Variants in GBP7 observed in about 807,000 individuals in gnomAD.
GBP7 encodes guanylate-binding protein 7.
Under a neutral mutation model 61.3 loss-of-function variants are expected in GBP7, and 43 were observed. The ratio of observed to expected loss-of-function variants is 0.70; its 90% CI spans 0.55 to 0.91. GBP7 has a LOEUF of 0.91. Among genes scored for constraint, GBP7 ranks in the 40% least tolerant of loss-of-function variants. The pLI is 0.00. For synonymous variants in GBP7, 267 were observed against 271.0 expected (o/e 0.99, Z 0.14); for missense variants, 717 against 740.5 (o/e 0.97, Z 0.37).
chr1:89,174,831 A>G (rs532580253), intron 1 of GBP7, among the ~76,000 whole-genome samples: 15 of 152,320 alleles, frequency 9.8e-5, no homozygotes, highest in African/African-American at 3.6e-4. Flanking sequence ...ACCTCCATGT[A>G]TATCAGTCTG....
intron 9 of GBP7, among the ~76,000 whole-genome samples, chr1:89,135,428 AAT>A (rs1681777376): frequency 6.6e-6 from 1 of 152,130 alleles, no homozygotes; most frequent in African/African-American, 2.4e-5. Flanking sequence ...CAAAAGAAAA[AAT>A]ATTAAAGGCA....
At chr1:89,164,021 C>G (rs989605316) in intron 3 of GBP7, among the ~76,000 whole-genome samples, 5 of 152,086 alleles carry the variant, frequency 3.3e-5, no homozygotes, top group African/African-American at 1.2e-4. Context: ...AGGTGCCCGC[C>G]TCTGCGCTGG....
chr1:89,157,901 A>C (rs533231102), intron 3 of GBP7, among the ~76,000 whole-genome samples: 1 of 152,328 alleles, frequency 6.6e-6, no homozygotes, highest in East Asian at 1.9e-4. Context: ...CAGAGACACA[A>C]CAGCAAAAAA....
rs1426605979 is a variant in GBP7, at chr1:89,171,939, C to T, written c.-4G>A. On this transcript the variant is annotated 5_prime_UTR_variant, in exon 2 of 11. Transcript: ENST00000294671. ...GCATGTGGATCTCTGATGCCATGTT[C>T]AGGGCGTTCCTCTGTCTGCAAGGAA... 6.2e-7 allele frequency: 1 copy of T among 1,608,036 alleles called. No homozygotes were observed. The highest frequency in any genetic ancestry group is 1.1e-5 in the South Asian group (1 of 90,658).
At chr1:89,148,251 A>G (rs1482759874) in intron 7 of GBP7, among the ~76,000 whole-genome samples, 1 of 152,246 alleles carries the variant, frequency 6.6e-6, no homozygotes, top group East Asian at 1.9e-4. Context: ...CTTCTAAGCT[A>G]TGATTGCATC....
At position 89,152,417 on chromosome 1, in the gene GBP7, C is replaced by G. The variant is rs760265520; in HGVS notation, c.476G>C (p.Arg159Thr). The G allele has an allele frequency of 6.2e-7, 1 of 1,614,178 alleles. No homozygotes were observed. The highest frequency in any genetic ancestry group is 2.2e-5 in the East Asian group (1 of 44,872). The change falls in exon 5 of 11, where the codon AGA becomes ACA. Residue 159 changes from arginine to threonine, a missense_variant. Around this residue, in one of 3 missense-constraint regions of GBP7, gnomAD observed 387 missense variants for 385.2 expected, o/e 1.00. Transcript: ENST00000294671. Reference sequence around the variant, plus strand: ...GCTGGAGTCCTCAACTTCATCAGGTCTGGGGCACGATTTTGCCCTGATTAG... The same window carrying G: ...GCTGGAGTCCTCAACTTCATCAGGTGTGGGGCACGATTTTGCCCTGATTAG... ...TELIRAKSCP[R>T]PDEVEDSSEF...
Position 89,149,325 on chromosome 1 carries a change from T to C in GBP7, c.1119A>G (p.Lys373=). The C allele has an allele frequency of 1.2e-6, 2 of 1,611,382 alleles. No individual in the cohort carries two copies. Among genetic ancestry groups the C allele is most frequent in the Middle Eastern group, 1.7e-4 (1 of 6,026 alleles). The change falls in exon 7 of 11, where the codon AAA becomes AAG. Residue 373 remains lysine (K), a synonymous_variant. Coordinates refer to ENST00000294671, the MANE Select transcript of GBP7 (RefSeq NM_207398.3). The part of the protein sequence containing the change: ...AIAVFMEYSF[K]DKSQEFQKKL... ...TCTTCTGAAATTCCTGGCTTTTATC[T>C]TTGAAGGAGTACTCCATGAAGACTG...
At chr1:89,145,998 G>T (rs557456087) in intron 8 of GBP7, among the ~76,000 whole-genome samples, 3 of 152,070 alleles carry the variant, frequency 2.0e-5, no homozygotes, top group African/African-American at 4.8e-5. Flanking sequence ...AACCATAAAA[G>T]ACCCCAAATA....
chr1:89,145,661 G>A (rs1682047487), intron 8 of GBP7, among the ~76,000 whole-genome samples: 1 of 152,026 alleles, frequency 6.6e-6, no homozygotes, highest in Admixed American at 6.6e-5. Flanking sequence ...TACAAATTCA[G>A]CTACATTTCT....
intron 9 of GBP7, among the ~76,000 whole-genome samples, 156 bp from the exon 10 acceptor site, chr1:89,133,607 G>T (rs567523092): frequency 6.6e-6 from 1 of 152,134 alleles, no homozygotes; most frequent in Non-Finnish European, 1.5e-5. Context: ...CAGAAGGAAG[G>T]CATTGAGAGT....
chr1:89,138,680 C>T (rs1302163010), intron 9 of GBP7, among the ~76,000 whole-genome samples: 1 of 152,034 alleles, frequency 6.6e-6, no homozygotes, highest in Admixed American at 6.6e-5. Context: ...AAAATCAACT[C>T]AAGATGAGTT....
intron 8 of GBP7, among the ~76,000 whole-genome samples, chr1:89,144,026 C>T (rs1259442400): frequency 6.6e-6 from 1 of 152,190 alleles, no homozygotes; most frequent in East Asian, 1.9e-4. Flanking sequence ...CTACTTCCCT[C>T]CCTGCCTCCT....
At chr1:89,148,425 A>G (rs1011877807) in intron 7 of GBP7, among the ~76,000 whole-genome samples, 7 of 152,218 alleles carry the variant, frequency 4.6e-5, no homozygotes, top group Non-Finnish European at 7.3e-5. Flanking sequence ...GGGCTTATTA[A>G]TATGATGGAG....
chr1:89,154,380 G>A (rs1375718510), intron 3 of GBP7, among the ~76,000 whole-genome samples: 2 of 151,988 alleles, frequency 1.3e-5, no homozygotes, highest in African/African-American at 4.8e-5. Flanking sequence ...TTGAGATGGA[G>A]ACTTGCTCTG....
chr1:89,174,697 A>G (rs1041343031), intron 1 of GBP7, among the ~76,000 whole-genome samples: 4 of 152,228 alleles, frequency 2.6e-5, no homozygotes, highest in Admixed American at 2.6e-4. Flanking sequence ...CTCACTGTGC[A>G]TCAGCATTCA....
chr1:89,149,282 CA>C lies in GBP7; in HGVS notation c.1152+9del, dbSNP rs570295547. On this transcript the variant is annotated intron_variant, in intron 7 of 10. Transcript: ENST00000294671. ...CAGGAATCAAGAAAAAAAAAAATAA[CA>C]AAGATTACCACAAGCTTCTTCTGAA... 4 of 1,572,042 alleles carry C rather than the reference CA, an allele frequency of 2.5e-6. No homozygotes were observed. In the Admixed American group the frequency reaches 7.5e-5, roughly 29 times the overall value.
intron 9 of GBP7, among the ~76,000 whole-genome samples, chr1:89,140,528 T>C (rs1681914964): frequency 6.6e-6 from 1 of 151,578 alleles, no homozygotes; most frequent in African/African-American, 2.4e-5. Flanking sequence ...GAATGGCTGT[T>C]ACTAAAAAGT....
chr1:89,138,512 G>A (rs868575144), intron 9 of GBP7, among the ~76,000 whole-genome samples: 1 of 151,584 alleles, frequency 6.6e-6, no homozygotes, highest in Non-Finnish European at 1.5e-5. Flanking sequence ...TTTAAAGAAA[G>A]CAGAAATAAT....
chr1:89,139,316 A>AT (rs1422741793), intron 9 of GBP7, among the ~76,000 whole-genome samples: 1 of 152,230 alleles, frequency 6.6e-6, no homozygotes, highest in Non-Finnish European at 1.5e-5. Context: ...AAAGACTTAG[A>AT]TGTTAGACCT....
Sources: gnomAD v4.1 joint callset for allele counts (sites outside exome capture counted in the v4.1 genomes callset) on GRCh38, gnomAD v4.1.1 for gene constraint, gnomAD v4.1.1 regional missense constraint, MANE v1.5 for transcripts, NCBI Gene and HGNC (gene_info 2026-07-23, HGNC 2026-07-21) for gene names.